Variants in RAB23 observed in about 807,000 individuals in gnomAD.
RAB23 encodes ras-related protein Rab-23.
In RAB23, 15 loss-of-function variants were observed where a neutral mutation model predicts 30.0. The observed-to-expected ratio is 0.50, with a 90% CI of 0.33 to 0.77. The LOEUF (loss-of-function observed/expected upper bound fraction) is 0.77, where lower values mean the gene tolerates loss of function less well. Among genes scored for constraint, RAB23 ranks in the 30% least tolerant of loss-of-function variants. The pLI, the probability that RAB23 is intolerant of heterozygous loss-of-function variation, is 0.02. For missense variants in RAB23, 243 were observed against 275.4 expected (o/e 0.88, Z 0.83); for synonymous variants, 93 against 94.0 (o/e 0.99, Z 0.06).
chr6:57,207,761 G>A (rs763972234), intron 2 of RAB23, 48 bp from the exon 3 acceptor site: 4 of 1,235,806 alleles, frequency 3.2e-6, no homozygotes, highest in South Asian at 2.5e-5. Context: ...AAATGTTTTT[G>A]GTAATATAGC....
chr6:57,196,686 A>C, intron 3 of RAB23, 80 bp from the exon 4 acceptor site: 1,842 of 1,520,466 alleles, frequency 1.2e-3, no homozygotes, highest in Non-Finnish European at 1.5e-3. Context: ...AAACAATCTC[A>C]TGAAGAATGG....
intron 4 of RAB23, among the ~76,000 whole-genome samples, chr6:57,195,221 T>TA (rs763019778): frequency 7.1e-4 from 108 of 152,318 alleles, no homozygotes; most frequent in Admixed American, 2.4e-3. Flanking sequence ...TAATTAATTT[T>TA]ATCTCTTCCT....
At chr6:57,219,361 C>T (rs1257993443) in intron 1 of RAB23, among the ~76,000 whole-genome samples, 1 of 152,144 alleles carries the variant, frequency 6.6e-6, no homozygotes, top group Non-Finnish European at 1.5e-5. Flanking sequence ...ATATCATGTT[C>T]ATAGATTGGG....
At position 57,213,454 on chromosome 6, in the gene RAB23, C is replaced by T. The variant is rs140026576; in HGVS notation, c.-65-3009G>A. ...CTTGTTCATCCAGCTGTATCTCACA[C>T]TGGTTCAGTTCCTAGAAAGCAACTT... On this transcript the variant is annotated intron_variant, in intron 1 of 6. Coordinates refer to ENST00000468148, the MANE Select transcript of RAB23 (RefSeq NM_016277.5). Among the ~76,000 whole-genome samples the T allele has an allele frequency of 2.6e-5, 4 of 152,316 alleles. No homozygotes were observed. The East Asian group carries it at 7.7e-4, about 29-fold the overall frequency.
Position 57,204,672 on chromosome 6 carries a change from A to G in RAB23, c.241+2956T>C, listed in dbSNP as rs541383293. On this transcript the variant is annotated intron_variant, in intron 3 of 6. Coordinates refer to ENST00000468148, the MANE Select transcript of RAB23 (RefSeq NM_016277.5). ...AAACAAAAGATTTAAGAAGTAAAAA[A>G]GATAATTAGCTTAAAGGAAACTTTT... 3.3e-4 allele frequency among the ~76,000 whole-genome samples: 50 copies of G among 152,316 alleles called. 1 individual carries two copies. Among genetic ancestry groups the G allele is most frequent in the African/African-American group, 1.0e-3 (42 of 41,592 alleles).
At chr6:57,200,673 G>T (rs539826270) in intron 3 of RAB23, among the ~76,000 whole-genome samples, 1 of 152,014 alleles carries the variant, frequency 6.6e-6, no homozygotes, top group African/African-American at 2.4e-5. Flanking sequence ...AAGAATGGAT[G>T]CTGACAAGAC....
At chr6:57,198,679 TAA>T (rs200709921) in intron 3 of RAB23, among the ~76,000 whole-genome samples, 7 of 138,718 alleles carry the variant, frequency 5.0e-5, no homozygotes, top group Non-Finnish European at 3.1e-5. Context: ...AGACTCTGTC[TAA>T]AAAAAAAAAA....
chr6:57,221,252 A>G (rs1015774482), intron 1 of RAB23: 2 of 152,240 alleles, frequency 1.3e-5, no homozygotes, highest in African/African-American at 2.4e-5. Flanking sequence ...ATAAAAACCT[A>G]GAGAAGTTAA....
rs1229456681 is a variant in RAB23, at chr6:57,188,464, A to G, written c.*1997T>C. On this transcript the variant is annotated 3_prime_UTR_variant, in exon 7 of 7. Coordinates refer to ENST00000468148, the MANE Select transcript of RAB23 (RefSeq NM_016277.5). ...ATAGAAAGGTAACACGCTTTTAGCC[A>G]CACAGCTAACATGAAAAAGAACTAA... 1 of 152,216 alleles carries G rather than the reference A, an allele frequency of 6.6e-6. No homozygotes were observed. The highest frequency in any genetic ancestry group is 6.5e-5 in the Admixed American group (1 of 15,282). 9.4% of individuals were successfully genotyped at this position (152,216 alleles called of 1,614,324 possible). A position where few individuals can be genotyped will look rare whatever the true frequency, so the allele number is the denominator to read the frequency against.
chr6:57,207,178 T>C (rs1404652307), intron 3 of RAB23, among the ~76,000 whole-genome samples: 3 of 152,258 alleles, frequency 2.0e-5, no homozygotes, highest in Admixed American at 2.0e-4. Flanking sequence ...TCTTTAGTCA[T>C]GGTTCCTTCC....
rs1562647865 is a variant in RAB23 at position 57,190,003 on chromosome 6, AGGGT to A, written c.*454_*457del. The stretch of plus-strand genomic sequence containing the variant: ...ATACTAATGCAGTCTGGCAAGATTT[AGGGT>A]TTACCTTTCAGTATTATTTTGTGAA... On this transcript the variant is annotated 3_prime_UTR_variant, in exon 7 of 7. Coordinates refer to ENST00000468148, the MANE Select transcript of RAB23 (RefSeq NM_016277.5). The A allele has an allele frequency of 4.4e-4, 89 of 203,570 alleles. No homozygotes were observed. The highest frequency in any genetic ancestry group is 2.0e-3 in the African/African-American group (86 of 42,302). The allele number at this position is 203,570 out of a possible 1,614,324, so 12.6% of individuals were successfully genotyped here.
intron 3 of RAB23, among the ~76,000 whole-genome samples, chr6:57,203,155 G>A (rs187327737): frequency 1.3e-4 from 20 of 151,814 alleles, no homozygotes; most frequent in Admixed American, 6.5e-4. Flanking sequence ...ACAGGTGTGC[G>A]CCACCACACC....
rs1319661500 is a variant in RAB23 at position 57,188,909 on chromosome 6, G to C, written c.*1552C>G. 2 of 152,034 alleles carry C rather than the reference G, an allele frequency of 1.3e-5. No homozygotes were observed. The highest frequency in any genetic ancestry group is 1.9e-4 in the East Asian group (1 of 5,202). The allele number at this position is 152,034 out of a possible 1,614,324, so 9.4% of individuals were successfully genotyped here. A position where few individuals can be genotyped will look rare whatever the true frequency, so the allele number is the denominator to read the frequency against. The stretch of plus-strand genomic sequence containing the variant: ...ACATTAGGAGGATGAGGGGAGTACA[G>C]ATGGAAAAACAAAAGATAAAACACA... On this transcript the variant is annotated 3_prime_UTR_variant, in exon 7 of 7. Coordinates refer to ENST00000468148, the MANE Select transcript of RAB23 (RefSeq NM_016277.5).
intron 3 of RAB23, among the ~76,000 whole-genome samples, chr6:57,196,936 T>C (rs1765045893): frequency 6.6e-6 from 1 of 152,196 alleles, no homozygotes; most frequent in Non-Finnish European, 1.5e-5. Context: ...TGGAATACCA[T>C]AAAATACTGA....
chr6:57,210,031 AAAG>A (rs560407374), intron 2 of RAB23, among the ~76,000 whole-genome samples, 192 bp downstream of exon 2: 72 of 151,244 alleles, frequency 4.8e-4, no homozygotes, highest in Non-Finnish European at 7.9e-4. Context: ...AAAAAAAATG[AAAG>A]AAGGGAAGAG....
At chr6:57,190,897 A>G (rs1764815181) in intron 6 of RAB23, among the ~76,000 whole-genome samples, 2 of 152,152 alleles carry the variant, frequency 1.3e-5, no homozygotes, top group Non-Finnish European at 2.9e-5. Flanking sequence ...CCCTCCCTGC[A>G]GACCTTAGCA....
Position 57,203,000 on chromosome 6 carries a change from GTTTTTTTTTTT to G in RAB23, c.241+4617_241+4627del, listed in dbSNP as rs1170559704. ...AAAAGTTAAATTACTAAGATAGGCT[GTTTTTTTTTTT>G]TTTTTTTTTTTTTGAGACAGAGTCT... On this transcript the variant is annotated intron_variant, in intron 3 of 6. Coordinates refer to ENST00000468148, the MANE Select transcript of RAB23 (RefSeq NM_016277.5). Among the ~76,000 whole-genome samples the G allele has an allele frequency of 2.9e-4, 24 of 82,608 alleles. No individual in the cohort carries two copies. In the South Asian group the frequency reaches 9.5e-3, roughly 33 times the overall value. The allele number at this position is 82,608 out of a possible 152,430, so 54.2% of individuals were successfully genotyped here. A position where few individuals can be genotyped will look rare whatever the true frequency, so the allele number is the denominator to read the frequency against.
At chr6:57,195,998 T>G (rs1282867761) in intron 4 of RAB23, among the ~76,000 whole-genome samples, 1 of 152,196 alleles carries the variant, frequency 6.6e-6, no homozygotes, top group Non-Finnish European at 1.5e-5. Flanking sequence ...GAACAGAAAT[T>G]ATCTGTTCAC....
At chr6:57,210,560 T>A (rs1593224078) in intron 1 of RAB23, 115 bp from the exon 2 acceptor site, 1 of 668,962 alleles carries the variant, frequency 1.5e-6, no homozygotes, top group East Asian at 2.7e-5. Context: ...ATAACTGAGG[T>A]CCCTCCCACT....
Sources: allele counts gnomAD v4.1 joint callset (sites outside exome capture counted in the v4.1 genomes callset), GRCh38; gene constraint gnomAD v4.1.1; transcripts MANE v1.5; gene names NCBI Gene and HGNC (gene_info 2026-07-23, HGNC 2026-07-21).